Variants in LRMDA observed in about 807,000 individuals in gnomAD.
The protein encoded by LRMDA is leucine-rich melanocyte differentiation-associated protein.
Under a neutral mutation model 29.8 loss-of-function variants are expected in LRMDA, and 18 were observed. The observed-to-expected ratio is 0.60, with a 90% CI of 0.42 to 0.90. The LOEUF (loss-of-function observed/expected upper bound fraction) is 0.90. LRMDA is among the 40% of genes least tolerant of loss of function. LRMDA has a pLI of 0.00. For synonymous variants in LRMDA, 125 were observed against 109.4 expected, an observed-to-expected ratio of 1.14 and a Z score of -0.89; for missense variants, 273 against 273.9, an observed-to-expected ratio of 1.00 and a Z score of 0.02.
chr10:76,465,799 G>A (rs1334603169), intron 6 of LRMDA, among the ~76,000 whole-genome samples: 2 of 152,014 alleles, frequency 1.3e-5, no homozygotes, highest in Non-Finnish European at 2.9e-5. Flanking sequence ...AGAACCATGA[G>A]GGGAGGAGTT....
intron 6 of LRMDA, among the ~76,000 whole-genome samples, chr10:76,369,861 A>C (rs137960356): frequency 6.6e-6 from 1 of 152,118 alleles, no homozygotes; most frequent in East Asian, 1.9e-4. Flanking sequence ...GGCTTAACTT[A>C]AGGGTTCCAT....
intron 2 of LRMDA, among the ~76,000 whole-genome samples, chr10:75,813,584 C>G (rs1844002005): frequency 6.6e-6 from 1 of 152,158 alleles, no homozygotes; most frequent in Non-Finnish European, 1.5e-5. Context: ...GAGAGTGATG[C>G]TCTTTGGACG....
At chr10:76,143,458 T>C (rs896783086) in intron 5 of LRMDA, among the ~76,000 whole-genome samples, 2 of 152,188 alleles carry the variant, frequency 1.3e-5, no homozygotes, top group East Asian at 1.9e-4. Context: ...ATGAGCATTT[T>C]TTCATGTGTT....
At position 75,441,541 on chromosome 10, in the gene LRMDA, T is replaced by C. The variant is rs1177805409; in HGVS notation, c.131+3047T>C. On this transcript the variant is annotated intron_variant, in intron 2 of 6. Coordinates refer to ENST00000611255, the MANE Select transcript of LRMDA (RefSeq NM_001305581.2). ...AGATAGCACTGTTTCTGGAAATTTT[T>C]TGGGTTCTCCTTGCCACAGAGAATT... 3.9e-5 allele frequency among the ~76,000 whole-genome samples: 6 copies of C among 152,304 alleles called. 1 individual carries two copies. The highest frequency in any genetic ancestry group is 5.9e-5 in the Non-Finnish European group (4 of 68,024).
At chr10:75,981,747 G>A (rs959612132) in intron 2 of LRMDA, among the ~76,000 whole-genome samples, 1 of 151,810 alleles carries the variant, frequency 6.6e-6, no homozygotes, top group Admixed American at 6.6e-5. Context: ...AGGTACTGAG[G>A]AGGCTGAGGC....
chr10:76,059,273 T>C (rs1387376591), intron 5 of LRMDA, among the ~76,000 whole-genome samples: 1 of 152,182 alleles, frequency 6.6e-6, no homozygotes, highest in Non-Finnish European at 1.5e-5. Context: ...TTTCTGACAG[T>C]GTGTCCCTAG....
At chr10:75,528,454 T>C (rs1017490386) in intron 2 of LRMDA, among the ~76,000 whole-genome samples, 7 of 152,210 alleles carry the variant, frequency 4.6e-5, no homozygotes, top group African/African-American at 1.7e-4. Flanking sequence ...GGGACATTCT[T>C]CACCCAATGC....
chr10:76,374,617 T>C (rs991221848), intron 6 of LRMDA, among the ~76,000 whole-genome samples: 6 of 152,324 alleles, frequency 3.9e-5, no homozygotes, highest in African/African-American at 1.4e-4. Flanking sequence ...ATCTTGAGTA[T>C]ACGACACAAA....
At position 75,889,635 on chromosome 10, in the gene LRMDA, C is replaced by T. The variant is rs927129517; in HGVS notation, c.132-146373C>T. 5.0e-4 allele frequency among the ~76,000 whole-genome samples: 76 copies of T among 152,210 alleles called. 1 individual carries two copies. Among genetic ancestry groups the T allele is most frequent in the African/African-American group, 1.7e-3 (69 of 41,458 alleles). ...TGTGCCAGCACACGCCTAGAACTGG[C>T]AACTTACTAAAGATCAGAGCTGAAC... On this transcript the variant is annotated intron_variant, in intron 2 of 6. Coordinates refer to ENST00000611255, the MANE Select transcript of LRMDA (RefSeq NM_001305581.2).
chr10:75,606,912 C>T (rs1222430790), intron 2 of LRMDA, among the ~76,000 whole-genome samples: 1 of 152,146 alleles, frequency 6.6e-6, no homozygotes, highest in Admixed American at 6.5e-5. Flanking sequence ...TTATGATAAT[C>T]CAAAATAGCA....
chr10:75,958,796 T>C (rs1004574703), intron 2 of LRMDA, among the ~76,000 whole-genome samples: 1 of 152,164 alleles, frequency 6.6e-6, no homozygotes, highest in Non-Finnish European at 1.5e-5. Flanking sequence ...AGAGGTTTAA[T>C]GGACTCACAG....
chr10:76,045,863 GT>G (rs1289219883), intron 3 of LRMDA, among the ~76,000 whole-genome samples: 1 of 152,168 alleles, frequency 6.6e-6, no homozygotes, highest in African/African-American at 2.4e-5. Flanking sequence ...TCCGACATTG[GT>G]TGGATTTTGA....
chr10:76,434,198 A>G (rs1193922697), intron 6 of LRMDA, among the ~76,000 whole-genome samples: 3 of 152,026 alleles, frequency 2.0e-5, no homozygotes, highest in Non-Finnish European at 4.4e-5. Context: ...TTTTTCCAAA[A>G]CATCAATGTC....
chr10:76,448,493 G>A (rs930345349), intron 6 of LRMDA, among the ~76,000 whole-genome samples: 1 of 152,024 alleles, frequency 6.6e-6, no homozygotes, highest in Non-Finnish European at 1.5e-5. Flanking sequence ...CAATGGTAGC[G>A]TAATCATTCT....
At chr10:75,438,282 A>C in intron 1 of LRMDA, 112 bp from the exon 2 acceptor site, 3 of 865,392 alleles carry the variant, frequency 3.5e-6, no homozygotes, top group Non-Finnish European at 3.7e-6. Context: ...TTTGTGTGTG[A>C]GAAACATGTG....
chr10:76,048,556 G>A (rs1035170772), intron 4 of LRMDA, among the ~76,000 whole-genome samples: 8 of 152,124 alleles, frequency 5.3e-5, no homozygotes, highest in African/African-American at 1.2e-4. Flanking sequence ...TGTGGAGTCC[G>A]GCTTTCCCAG....
intron 6 of LRMDA, among the ~76,000 whole-genome samples, chr10:76,490,246 G>T (rs572170543): frequency 6.6e-6 from 1 of 152,016 alleles, no homozygotes; most frequent in Non-Finnish European, 1.5e-5. Flanking sequence ...GTTCTGAGAA[G>T]AATGTGTGTT....
chr10:76,223,834 TTC>T (rs1851896646), intron 5 of LRMDA, among the ~76,000 whole-genome samples: 3 of 152,128 alleles, frequency 2.0e-5, no homozygotes, highest in South Asian at 4.1e-4. Flanking sequence ...TCGTGGTCTT[TTC>T]TCTGTTTTCT....
intron 2 of LRMDA, among the ~76,000 whole-genome samples, chr10:75,984,097 T>C (rs961616211): frequency 6.6e-6 from 1 of 152,194 alleles, no homozygotes; most frequent in African/African-American, 2.4e-5. Flanking sequence ...TGTGAGAATG[T>C]CAGTGTCTGG....
Sources: allele counts gnomAD v4.1 joint callset (sites outside exome capture counted in the v4.1 genomes callset), GRCh38; gene constraint gnomAD v4.1.1; transcripts MANE v1.5; gene names NCBI Gene and HGNC (gene_info 2026-07-23, HGNC 2026-07-21).